The following ACSF3 variants were observed in gnomAD, a reference collection of about 807,000 sequenced individuals.
The protein encoded by ACSF3 is acyl-CoA synthetase family member 3.
ACSF3 carries 78 observed loss-of-function variants against 53.2 expected under a neutral mutation model. The observed-to-expected ratio is 1.47, with a 90% confidence interval of 1.22 to 1.77. ACSF3 has a LOEUF of 1.77. Ranked by LOEUF, ACSF3 falls within the 40% of genes most tolerant of loss-of-function variation. The pLI is 0.00. For synonymous variants in ACSF3, 414 were observed against 333.1 expected, an observed-to-expected ratio of 1.24 and a Z score of -2.65; for missense variants, 937 against 771.1, an observed-to-expected ratio of 1.22 and a Z score of -2.55.
rs771558691 is a variant in ACSF3, at chr16:89,101,257, G to A, written c.576G>A (p.Trp192Ter). 5 of 1,601,562 alleles carry A rather than the reference G, an allele frequency of 3.1e-6. No homozygotes were observed. The Admixed American group carries it at 8.7e-5, about 28-fold the overall frequency. ...AGGTCCCGGTCCCAGAGCAGGGATG[G>A]AGGAACAAGGGCGCCATGATCATCT... ...PAEVPVPEQG[W>*]RNKGAMIIYT... The change falls in exon 3 of 11, where the codon TGG becomes TGA. Residue 192 changes from tryptophan (W) to a stop codon, truncating the protein, a stop_gained. Coordinates refer to ENST00000614302, the MANE Select transcript of ACSF3 (RefSeq NM_001243279.3). LOFTEE classifies it high-confidence loss of function.
In ACSF3 at chr16:89,101,155, G is replaced by A. The variant is rs757199694; in HGVS notation, c.474G>A (p.Pro158=). Residue 158 remains proline (P), a synonymous_variant, in exon 3 of 11, where the codon CCG becomes CCA. Coordinates refer to ENST00000614302, the MANE Select transcript of ACSF3 (RefSeq NM_001243279.3). The part of the protein sequence containing the change: ...ASQEYLELLS[P]VVRKLGVPLL... Reference sequence around the variant, plus strand: ...AGGAGTACCTGGAGCTCCTGAGCCCGGTGGTCAGGAAGCTGGGGGTCCCGC... The same window carrying A: ...AGGAGTACCTGGAGCTCCTGAGCCCAGTGGTCAGGAAGCTGGGGGTCCCGC... 2.0e-5 allele frequency: 33 copies of A among 1,613,402 alleles called. No homozygotes were observed. Among genetic ancestry groups the A allele is most frequent in the Admixed American group, 1.0e-4 (6 of 59,938 alleles).
chr16:89,124,954 CTG>C (rs1360673916), intron 7 of ACSF3, among the ~76,000 whole-genome samples: 1 of 152,242 alleles, frequency 6.6e-6, no homozygotes, highest in Non-Finnish European at 1.5e-5. Flanking sequence ...ATTATCTTGA[CTG>C]TTGTGGTTTT....
chr16:89,094,397 C>G (rs1974367436), intron 1 of ACSF3, among the ~76,000 whole-genome samples: 1 of 152,250 alleles, frequency 6.6e-6, no homozygotes, highest in South Asian at 2.1e-4. Flanking sequence ...CTGCGTGCAC[C>G]TTGCTGGGCG....
At chr16:89,129,293 TC>T (rs1908805879) in intron 7 of ACSF3, among the ~76,000 whole-genome samples, 1 of 152,232 alleles carries the variant, frequency 6.6e-6, no homozygotes, top group South Asian at 2.1e-4. Flanking sequence ...AGTTTTTGCT[TC>T]ATATATTTTG....
At chr16:89,115,639 C>G (rs908829471) in intron 6 of ACSF3, among the ~76,000 whole-genome samples, 4 of 152,236 alleles carry the variant, frequency 2.6e-5, no homozygotes, top group African/African-American at 9.6e-5. Context: ...TGGGCAGATA[C>G]CTAGGAGAGA....
chr16:89,105,348 G>A (rs1038223640), intron 4 of ACSF3, among the ~76,000 whole-genome samples: 1 of 152,118 alleles, frequency 6.6e-6, no homozygotes, highest in Non-Finnish European at 1.5e-5. Flanking sequence ...CCCTCCTTGC[G>A]GCTCTCTCTG....
At chr16:89,120,779 C>G in intron 6 of ACSF3, 22 bp from the exon 7 acceptor site, 1 of 1,608,652 alleles carries the variant, frequency 6.2e-7, no homozygotes, top group Non-Finnish European at 8.5e-7. Flanking sequence ...GCCTCCCCTT[C>G]AGTGTTTCTC....
intron 7 of ACSF3, among the ~76,000 whole-genome samples, chr16:89,130,021 A>AG (rs1194625211): frequency 6.6e-6 from 1 of 152,242 alleles, no homozygotes; most frequent in East Asian, 1.9e-4. Flanking sequence ...TTGAGAAGAA[A>AG]GGAACTCAAC....
chr16:89,127,512 C>T (rs1018012967), intron 7 of ACSF3, among the ~76,000 whole-genome samples: 1 of 152,044 alleles, frequency 6.6e-6, no homozygotes, highest in Non-Finnish European at 1.5e-5. Context: ...CAGGCATGTG[C>T]CAACATGCCC....
chr16:89,121,108 G>C (rs955862435), intron 7 of ACSF3, among the ~76,000 whole-genome samples, 195 bp downstream of exon 7: 31 of 152,376 alleles, frequency 2.0e-4, no homozygotes, highest in South Asian at 2.1e-4. Context: ...CTGCGTGTCC[G>C]TCTGTGCGTT....
In ACSF3 at chr16:89,154,212, G is replaced by A; in HGVS notation, c.*5G>A. On this transcript the variant is annotated 3_prime_UTR_variant, in exon 11 of 11. Coordinates refer to ENST00000614302, the MANE Select transcript of ACSF3 (RefSeq NM_001243279.3). Reference sequence around the variant, plus strand: ...AGGCACTTCCACCCCTCATGACCCGGCAGACTGGGACTGCGGGTCTGGTGG... The same window carrying A: ...AGGCACTTCCACCCCTCATGACCCGACAGACTGGGACTGCGGGTCTGGTGG... 4 of 1,612,296 alleles carry A rather than the reference G, an allele frequency of 2.5e-6. No individual in the cohort carries two copies. Among genetic ancestry groups the A allele is most frequent in the Non-Finnish European group, 3.4e-6 (4 of 1,179,188 alleles).
At chr16:89,134,609 A>G (rs1910036227) in intron 8 of ACSF3, among the ~76,000 whole-genome samples, 1 of 152,222 alleles carries the variant, frequency 6.6e-6, no homozygotes. Flanking sequence ...CAGAGCTCCC[A>G]TACAAAGGGA....
chr16:89,133,377 C>T (rs1909740312), intron 8 of ACSF3, 115 bp downstream of exon 8: 1 of 1,446,116 alleles, frequency 6.9e-7, no homozygotes, highest in African/African-American at 1.4e-5. Context: ...CAGCCAAAGG[C>T]AGAAGATGGG....
At chr16:89,113,980 C>T (rs1042264866) in intron 5 of ACSF3, 16 of 363,020 alleles carry the variant, frequency 4.4e-5, no homozygotes, top group African/African-American at 2.1e-4. Context: ...GCTCCGTGGT[C>T]GGCAGCTGCA....
At position 89,112,143 on chromosome 16, in the gene ACSF3, G is replaced by A. The variant is rs2151444700; in HGVS notation, c.874G>A (p.Ala292Thr). 6 of 1,133,710 alleles carry A rather than the reference G, an allele frequency of 5.3e-6. No homozygotes were observed. In the South Asian group the frequency reaches 8.0e-5, roughly 15 times the overall value. 70.2% of individuals were successfully genotyped at this position (1,133,710 alleles called of 1,614,324 possible). A position where few individuals can be genotyped will look rare whatever the true frequency, so the allele number is the denominator to read the frequency against. ...SETPRINVFM[A>T]VPTIYTKLME... is the part of the protein sequence containing the mutation. ...AACGCCGCGGATCAATGTCTTTATGGCAGTGCCTACAATATACACCAAGCT... is the reference window on the plus strand; with the variant it reads ...AACGCCGCGGATCAATGTCTTTATGACAGTGCCTACAATATACACCAAGCT... The change falls in exon 5 of 11, where the codon GCA (alanine) becomes ACA (threonine). Residue 292 changes from alanine (A) to threonine (T), a missense_variant. Transcript: ENST00000614302.
chr16:89,135,964 AG>A (rs1423056173), intron 8 of ACSF3, among the ~76,000 whole-genome samples: 1 of 152,192 alleles, frequency 6.6e-6, no homozygotes, highest in African/African-American at 2.4e-5. Context: ...TAGTAAAGAC[AG>A]GGTTTTGCCA....
At chr16:89,123,761 C>T (rs1907232715) in intron 7 of ACSF3, among the ~76,000 whole-genome samples, 1 of 152,186 alleles carries the variant, frequency 6.6e-6, no homozygotes, top group Non-Finnish European at 1.5e-5. Flanking sequence ...AGGACACCTT[C>T]CCAGGATCAT....
chr16:89,109,042 G>A (rs1976355268), intron 4 of ACSF3, among the ~76,000 whole-genome samples: 2 of 151,992 alleles, frequency 1.3e-5, no homozygotes, highest in Admixed American at 1.3e-4. Flanking sequence ...AGACCAGCCT[G>A]ACCAACAGGG....
chr16:89,142,111 G>C (rs979733427), intron 8 of ACSF3, among the ~76,000 whole-genome samples: 1 of 152,208 alleles, frequency 6.6e-6, no homozygotes, highest in African/African-American at 2.4e-5. Context: ...TGGCTCAGTG[G>C]AAACCGTGCG....
Sources: allele counts gnomAD v4.1 joint callset (sites outside exome capture counted in the v4.1 genomes callset), GRCh38; gene constraint gnomAD v4.1.1; transcripts MANE v1.5; gene names NCBI Gene and HGNC (gene_info 2026-07-23, HGNC 2026-07-21).